The following DACH1 variants were observed in gnomAD, a reference collection of about 807,000 sequenced individuals.
DACH1 encodes the protein dachshund homolog 1.
Under a neutral mutation model 54.2 loss-of-function variants are expected in DACH1, and 12 were observed. The observed-to-expected ratio is 0.22, with a 90% CI of 0.14 to 0.36. DACH1 has a LOEUF of 0.36. Ranked by LOEUF, DACH1 falls within the 10% of genes least tolerant of loss-of-function variation. The probability of loss-of-function intolerance (pLI) is 1.00; values close to 1 mark genes in which losing one functional copy is unlikely to be tolerated. For missense variants in DACH1, 805 were observed against 929.8 expected, an observed-to-expected ratio of 0.87 and a Z score of 1.75; for synonymous variants, 386 against 366.2, an observed-to-expected ratio of 1.05 and a Z score of -0.62.
chr13:71,475,350 G>A (rs754526922), intron 9 of DACH1, 141 bp from the exon 10 acceptor site: 11 of 743,950 alleles, frequency 1.5e-5, no homozygotes, highest in Non-Finnish European at 2.2e-5. Context: ...AACAAAAACT[G>A]TAACCGTAAG....
intron 2 of DACH1, among the ~76,000 whole-genome samples, chr13:71,654,274 C>A (rs1427671578): frequency 2.0e-5 from 3 of 151,528 alleles, no homozygotes; most frequent in Non-Finnish European, 2.9e-5. Context: ...CCTGTAATCC[C>A]AGCAACTCGG....
intron 6 of DACH1, among the ~76,000 whole-genome samples, chr13:71,531,810 G>A (rs1325017141): frequency 6.6e-6 from 1 of 151,856 alleles, no homozygotes; most frequent in Admixed American, 6.6e-5. Flanking sequence ...AAAAACACAG[G>A]CTCACAGGTC....
chr13:71,570,181 C>G (rs1433472909), intron 4 of DACH1, among the ~76,000 whole-genome samples: 2 of 152,178 alleles, frequency 1.3e-5, no homozygotes, highest in Non-Finnish European at 2.9e-5. Context: ...ATACTTAGAA[C>G]TTCTTGGAGG....
chr13:71,647,122 A>C (rs1878336700), intron 2 of DACH1, among the ~76,000 whole-genome samples: 1 of 152,234 alleles, frequency 6.6e-6, no homozygotes, highest in African/African-American at 2.4e-5. Context: ...CTATCAAATC[A>C]CTTTATAACT....
chr13:71,700,420 G>T (rs1309199704), intron 1 of DACH1, among the ~76,000 whole-genome samples: 1 of 151,920 alleles, frequency 6.6e-6, no homozygotes, highest in Non-Finnish European at 1.5e-5. Flanking sequence ...GCCGGGGGTG[G>T]TGACGCACGG....
rs567078481 is a variant in DACH1, at chr13:71,447,832, T to C, written c.2084-7140A>G. 2.7e-3 allele frequency among the ~76,000 whole-genome samples: 399 copies of C among 150,346 alleles called. 2 individuals are homozygous for C. The highest frequency in any genetic ancestry group is 5.8e-3 in the Admixed American group (88 of 15,094). ...TGGAGAAAAAAAAAAAAAAACCCAC[T>C]CACATTATGTGACAAGATTTTATAT... On this transcript the variant is annotated intron_variant, in intron 10 of 10. Coordinates refer to ENST00000613252, the MANE Select transcript of DACH1 (RefSeq NM_080759.6).
intron 2 of DACH1, among the ~76,000 whole-genome samples, chr13:71,670,772 T>C (rs1031886113): frequency 6.6e-6 from 1 of 152,104 alleles, no homozygotes; most frequent in Non-Finnish European, 1.5e-5. Flanking sequence ...TTTGTCTAGC[T>C]TCATCACTTA....
At chr13:71,815,326 G>C (rs1317912380) in intron 1 of DACH1, among the ~76,000 whole-genome samples, 6 of 150,884 alleles carry the variant, frequency 4.0e-5, no homozygotes, top group East Asian at 2.0e-4. Flanking sequence ...TAAAAAAGGG[G>C]GTGGGCGGGG....
chr13:71,661,978 C>T (rs1394257944), intron 2 of DACH1, among the ~76,000 whole-genome samples: 2 of 152,068 alleles, frequency 1.3e-5, no homozygotes, highest in Non-Finnish European at 2.9e-5. Flanking sequence ...TCTAAATATT[C>T]TCATTTCCTT....
chr13:71,500,001 A>T (rs977018371), intron 6 of DACH1, among the ~76,000 whole-genome samples: 9 of 152,084 alleles, frequency 5.9e-5, no homozygotes, highest in East Asian at 1.9e-4. Flanking sequence ...GTTAATGATT[A>T]AAAAAAATTT....
intron 6 of DACH1, among the ~76,000 whole-genome samples, chr13:71,519,908 T>TATATATATA (rs1566312779): frequency 7.4e-6 from 1 of 135,690 alleles, no homozygotes; most frequent in Non-Finnish European, 1.6e-5. Flanking sequence ...TATATATATA[T>TATATATATA]CCTAACTAAC....
chr13:71,468,235 A>G (rs1454175388), intron 10 of DACH1, among the ~76,000 whole-genome samples: 3 of 152,216 alleles, frequency 2.0e-5, no homozygotes, highest in African/African-American at 4.8e-5. Context: ...CCTGTAGTAA[A>G]TATATTGTAA....
chr13:71,793,984 T>C (rs933623949), intron 1 of DACH1, among the ~76,000 whole-genome samples: 2 of 152,178 alleles, frequency 1.3e-5, no homozygotes, highest in Non-Finnish European at 2.9e-5. Flanking sequence ...ATTTTTTCAA[T>C]ATGTTTTGAG....
At chr13:71,724,727 C>G (rs967345452) in intron 1 of DACH1, among the ~76,000 whole-genome samples, 3 of 151,944 alleles carry the variant, frequency 2.0e-5, no homozygotes, top group Non-Finnish European at 4.4e-5. Flanking sequence ...GAGTTTTAAA[C>G]AGAGAAGAAT....
Position 71,577,662 on chromosome 13 carries a change from A to C in DACH1, c.1127-4650T>G, listed in dbSNP as rs374908052. Among the ~76,000 whole-genome samples, 55 of 152,332 alleles carry C rather than the reference A, an allele frequency of 3.6e-4. 1 individual carries two copies. In the East Asian group the frequency reaches 8.3e-3, roughly 23 times the overall value. ...ATTTAATATCCTGTTACATAAACAT[A>C]CACAAGAAAATGAATAACAAATATG... is the stretch of plus-strand genomic sequence containing the variant. On this transcript the variant is annotated intron_variant, in intron 3 of 10. Coordinates refer to ENST00000613252, the MANE Select transcript of DACH1 (RefSeq NM_080759.6).
intron 10 of DACH1, among the ~76,000 whole-genome samples, chr13:71,460,411 G>A (rs1304099055): frequency 6.6e-6 from 1 of 152,034 alleles, no homozygotes; most frequent in Non-Finnish European, 1.5e-5. Context: ...ATGAGGAAAT[G>A]TAGAAACTAA....
At chr13:71,590,430 C>A (rs1245600875) in intron 3 of DACH1, among the ~76,000 whole-genome samples, 4 of 152,162 alleles carry the variant, frequency 2.6e-5, no homozygotes. Flanking sequence ...AACCAAATTT[C>A]TCAATTCTGA....
chr13:71,721,583 A>G (rs1844922709), intron 1 of DACH1, among the ~76,000 whole-genome samples: 1 of 152,266 alleles, frequency 6.6e-6, no homozygotes, highest in Admixed American at 6.5e-5. Context: ...ATTTGCAGCC[A>G]CTATTTCAAA....
intron 1 of DACH1, among the ~76,000 whole-genome samples, chr13:71,840,046 A>G (rs907002712): frequency 6.6e-6 from 1 of 152,180 alleles, no homozygotes; most frequent in Non-Finnish European, 1.5e-5. Context: ...TCCTCGGTTC[A>G]AGCAATTCTC....
Sources: allele counts gnomAD v4.1 joint callset (sites outside exome capture counted in the v4.1 genomes callset), GRCh38; gene constraint gnomAD v4.1.1; transcripts MANE v1.5; gene names NCBI Gene and HGNC (gene_info 2026-07-23, HGNC 2026-07-21).